FOLH1: variants seen among roughly 807,000 people sequenced by gnomAD.
The protein encoded by FOLH1 is glutamate carboxypeptidase 2.
A neutral mutation model predicts 93.9 loss-of-function variants in FOLH1; 54 were observed. The observed-to-expected ratio is 0.57, with a 90% CI of 0.46 to 0.72. The LOEUF is 0.72. Among genes scored for constraint, FOLH1 ranks in the 30% least tolerant of loss-of-function variants. FOLH1 has a pLI of 0.00. For synonymous variants in FOLH1, 249 were observed against 303.6 expected, an observed-to-expected ratio of 0.82 and a Z score of 1.87; for missense variants, 571 against 892.5, an observed-to-expected ratio of 0.64 and a Z score of 4.59.
At chr11:49,196,189 C>T (rs1862598695) in intron 3 of FOLH1, among the ~76,000 whole-genome samples, 1 of 151,896 alleles carries the variant, frequency 6.6e-6, no homozygotes, top group African/African-American at 2.4e-5. Flanking sequence ...AGCCATATAA[C>T]AATAAAGTCA....
At position 49,173,471 on chromosome 11, in the gene FOLH1, A is replaced by T; in HGVS notation, c.1111T>A (p.Tyr371Asn). Residue 371 changes from tyrosine to asparagine, a missense_variant, in exon 10 of 19, where the codon TAT becomes AAT. Physicochemically the swap from Tyr to Asn is moderately radical, Grantham distance 143 (BLOSUM62 -2). Transcript: ENST00000256999. ...TCCCGGTGACCTCCCAGAATGACAT[A>T]TCTGTCTAGAAAGCATAGATACAAG... ...TLRGAVEPDR[Y>N]VILGGHRDSW... The T allele has an allele frequency of 6.2e-7, 1 of 1,601,790 alleles. No homozygotes were observed. Among genetic ancestry groups the T allele is most frequent in the East Asian group, 2.2e-5 (1 of 44,498 alleles).
intron 2 of FOLH1, among the ~76,000 whole-genome samples, chr11:49,203,268 A>G (rs551612598): frequency 6.6e-6 from 1 of 152,338 alleles, no homozygotes; most frequent in East Asian, 1.9e-4. Flanking sequence ...GAGAGATGCA[A>G]AATGGTAAAC....
chr11:49,179,987 A>G (rs1860531168), intron 7 of FOLH1, among the ~76,000 whole-genome samples: 1 of 152,220 alleles, frequency 6.6e-6, no homozygotes, highest in African/African-American at 2.4e-5. Flanking sequence ...GTGAGACGCC[A>G]TTAAAGGTCT....
Position 49,168,310 on chromosome 11 carries a change from G to C in FOLH1, c.1372+885C>G, listed in dbSNP as rs181663272. 7.0e-4 allele frequency among the ~76,000 whole-genome samples: 104 copies of C among 148,940 alleles called. 6 individuals carry two copies. The highest frequency in any genetic ancestry group is 2.7e-3 in the African/African-American group (102 of 38,358). ...AGCAATCTGAGTGTAGAGAACAGGAGAGCAATGGCTGGGATGTTGCATATG... is the reference window on the plus strand; with the variant it reads ...AGCAATCTGAGTGTAGAGAACAGGACAGCAATGGCTGGGATGTTGCATATG... On this transcript the variant is annotated intron_variant, in intron 12 of 18. Transcript: ENST00000256999.
intron 2 of FOLH1, among the ~76,000 whole-genome samples, chr11:49,202,178 G>A: frequency 6.6e-6 from 1 of 152,110 alleles, no homozygotes; most frequent in Non-Finnish European, 1.5e-5. Context: ...ACTTCACAAA[G>A]ACTTGAGGCT....
intron 3 of FOLH1, among the ~76,000 whole-genome samples, chr11:49,196,470 G>A (rs1862631298): frequency 6.6e-6 from 1 of 152,072 alleles, no homozygotes; most frequent in Non-Finnish European, 1.5e-5. Context: ...TAGAAGGCAA[G>A]TAGAATATTG....
In FOLH1 at chr11:49,145,880, A is replaced by C. The variant is rs1414708569; in HGVS notation, c.*876T>G. ...ACCCTCATGTGAATGAATGCTCTAT[A>C]TCAGCAAAATATGGCAAACTACAGC... is the stretch of plus-strand genomic sequence containing the variant. On this transcript the variant is annotated 3_prime_UTR_variant, in exon 19 of 19. Coordinates refer to ENST00000256999, the MANE Select transcript of FOLH1 (RefSeq NM_004476.3). Among the ~76,000 whole-genome samples the C allele has an allele frequency of 6.6e-6, 1 of 152,166 alleles. No homozygotes were observed. Among genetic ancestry groups the C allele is most frequent in the Admixed American group, 6.5e-5 (1 of 15,268 alleles).
At chr11:49,178,705 A>C (rs1235502164) in intron 7 of FOLH1, among the ~76,000 whole-genome samples, 3 of 152,198 alleles carry the variant, frequency 2.0e-5, no homozygotes, top group African/African-American at 7.2e-5. Flanking sequence ...CAAATATTTA[A>C]TAGTTGAATA....
At chr11:49,164,445 T>C (rs1344701824) in intron 13 of FOLH1, among the ~76,000 whole-genome samples, 1 of 152,212 alleles carries the variant, frequency 6.6e-6, no homozygotes, top group Non-Finnish European at 1.5e-5. Context: ...CAATGTTCTT[T>C]GAGCTCAGTT....
intron 10 of FOLH1, among the ~76,000 whole-genome samples, chr11:49,172,312 C>T (rs1038876464): frequency 1.3e-5 from 2 of 152,004 alleles, no homozygotes; most frequent in African/African-American, 4.8e-5. Flanking sequence ...TTTAGGTCTC[C>T]ATTGTTTGTT....
intron 9 of FOLH1, 87 bp downstream of exon 9, chr11:49,174,805 T>G (rs965258203): frequency 2.5e-5 from 28 of 1,103,188 alleles, no homozygotes; most frequent in Non-Finnish European, 3.7e-5. Context: ...TTGTTTGTTT[T>G]GATTCACTTT....
At chr11:49,184,279 G>T (rs372509315) in intron 6 of FOLH1, among the ~76,000 whole-genome samples, 1 of 152,056 alleles carries the variant, frequency 6.6e-6, no homozygotes, top group Non-Finnish European at 1.5e-5. Flanking sequence ...TTTTGTATAT[G>T]TTAGAATTAT....
intron 15 of FOLH1, among the ~76,000 whole-genome samples, chr11:49,154,862 A>G (rs1349792185): frequency 3.3e-5 from 5 of 152,196 alleles, no homozygotes; most frequent in African/African-American, 1.2e-4. Context: ...AGGCAAGTAC[A>G]TAAGTATTAC....
intron 2 of FOLH1, among the ~76,000 whole-genome samples, chr11:49,200,750 C>A (rs1450790018): frequency 6.6e-6 from 1 of 152,092 alleles, no homozygotes; most frequent in Non-Finnish European, 1.5e-5. Context: ...TTGGAACTTA[C>A]ATGGAATTAT....
intron 4 of FOLH1, among the ~76,000 whole-genome samples, chr11:49,191,925 C>T (rs1232627526): frequency 6.6e-6 from 1 of 152,218 alleles, no homozygotes; most frequent in Non-Finnish European, 1.5e-5. Context: ...ATCTCGAACT[C>T]CTGACCTCAG....
chr11:49,195,835 T>G (rs1334183439), intron 3 of FOLH1, among the ~76,000 whole-genome samples: 3 of 152,192 alleles, frequency 2.0e-5, no homozygotes, highest in African/African-American at 7.2e-5. Context: ...TAAATAAAAC[T>G]TATGAAAACT....
chr11:49,190,522 T>C (rs1217462481), intron 4 of FOLH1, among the ~76,000 whole-genome samples: 1 of 152,162 alleles, frequency 6.6e-6, no homozygotes, highest in African/African-American at 2.4e-5. Context: ...GAGACAGAAT[T>C]GGGAGGCAAA....
rs1476757733 is a variant in FOLH1 at position 49,146,419 on chromosome 11, T to A, written c.*337A>T. Among the ~76,000 whole-genome samples the A allele has an allele frequency of 6.6e-6, 1 of 152,182 alleles. No homozygotes were observed. The highest frequency in any genetic ancestry group is 1.5e-5 in the Non-Finnish European group (1 of 68,028). ...CCCAGTGTGCTCTCTGACATACTGATGTTTTCTTCTGTGTGAAGTGACATG... is the reference window on the plus strand; with the variant it reads ...CCCAGTGTGCTCTCTGACATACTGAAGTTTTCTTCTGTGTGAAGTGACATG... On this transcript the variant is annotated 3_prime_UTR_variant, in exon 19 of 19. Coordinates refer to ENST00000256999, the MANE Select transcript of FOLH1 (RefSeq NM_004476.3).
intron 2 of FOLH1, among the ~76,000 whole-genome samples, chr11:49,204,542 A>G (rs1863646212): frequency 6.6e-6 from 1 of 152,110 alleles, no homozygotes; most frequent in Non-Finnish European, 1.5e-5. Flanking sequence ...TATTATACCT[A>G]CTATACATTA....
Sources: gnomAD v4.1 joint callset for allele counts (sites outside exome capture counted in the v4.1 genomes callset) on GRCh38, gnomAD v4.1.1 for gene constraint, MANE v1.5 for transcripts, NCBI Gene and HGNC (gene_info 2026-07-23, HGNC 2026-07-21) for gene names.